The following DOCK3 variants were observed in gnomAD, a reference collection of about 807,000 sequenced individuals.
The protein encoded by DOCK3 is dedicator of cytokinesis 3, also known as dedicator of cytokinesis protein 3.
A neutral mutation model predicts 265.6 loss-of-function variants in DOCK3; 60 were observed. That is an observed-to-expected ratio of 0.23 (90% confidence interval 0.18 to 0.28). DOCK3 has a LOEUF of 0.28. Ranked by LOEUF, DOCK3 falls within the 10% of genes least tolerant of loss-of-function variation. The pLI is 1.00. For synonymous variants in DOCK3, 881 were observed against 938.0 expected (o/e 0.94, Z 1.11); for missense variants, 1,981 against 2,594.3 (o/e 0.76, Z 5.14).
At chr3:50,862,728 C>T (rs750533984) in intron 3 of DOCK3, among the ~76,000 whole-genome samples, 1 of 152,160 alleles carries the variant, frequency 6.6e-6, no homozygotes, top group Non-Finnish European at 1.5e-5. Flanking sequence ...CAGCCTTTCC[C>T]CCTAATCCAG....
At chr3:50,901,584 C>A in intron 4 of DOCK3, 2 of 450,962 alleles carry the variant, frequency 4.4e-6, no homozygotes, top group Non-Finnish European at 8.9e-6. Flanking sequence ...TGCTTGAAAC[C>A]CAGGTCCCTG....
chr3:51,051,670 A>G (rs997525124), intron 5 of DOCK3, among the ~76,000 whole-genome samples: 11 of 152,170 alleles, frequency 7.2e-5, no homozygotes, highest in Admixed American at 6.6e-4. Context: ...GTGTTAGGCC[A>G]TTCTTGTGTT....
intron 5 of DOCK3, among the ~76,000 whole-genome samples, chr3:51,045,008 T>G (rs915813148): frequency 6.6e-6 from 1 of 152,200 alleles, no homozygotes; most frequent in African/African-American, 2.4e-5. Flanking sequence ...CTTATCATTT[T>G]TGTGTTCACT....
At chr3:51,243,935 G>A (rs2078717739) in intron 21 of DOCK3, among the ~76,000 whole-genome samples, 2 of 152,112 alleles carry the variant, frequency 1.3e-5, no homozygotes, top group African/African-American at 2.4e-5. Flanking sequence ...CAATTTCCCA[G>A]TTCCATTTAT....
At chr3:50,771,985 T>A (rs1038538045) in intron 1 of DOCK3, among the ~76,000 whole-genome samples, 1 of 152,252 alleles carries the variant, frequency 6.6e-6, no homozygotes, top group Admixed American at 6.5e-5. Flanking sequence ...AAGAGATATC[T>A]GCACTCCCAT....
At chr3:51,315,204 A>C (rs1249085237) in intron 32 of DOCK3, 76 bp downstream of exon 32, 57 of 1,465,512 alleles carry the variant, frequency 3.9e-5, no homozygotes, top group Non-Finnish European at 5.0e-5. Context: ...TAGATGACCA[A>C]GCCATGATTC....
intron 5 of DOCK3, among the ~76,000 whole-genome samples, chr3:51,029,359 G>C (rs938731067): frequency 1.3e-5 from 2 of 152,212 alleles, no homozygotes; most frequent in Admixed American, 6.5e-5. Flanking sequence ...CGGGGCTGGA[G>C]CTGCCATAAA....
At chr3:51,026,620 T>C (rs562830616) in intron 5 of DOCK3, among the ~76,000 whole-genome samples, 6 of 152,192 alleles carry the variant, frequency 3.9e-5, no homozygotes, top group Non-Finnish European at 7.4e-5. Context: ...TCTAAGGCTT[T>C]TGTTGGTTGC....
intron 4 of DOCK3, among the ~76,000 whole-genome samples, chr3:50,913,095 A>C (rs1317768327): frequency 6.6e-6 from 1 of 152,100 alleles, no homozygotes; most frequent in Non-Finnish European, 1.5e-5. Context: ...ATTCTCACCC[A>C]AGGCCCTTGA....
chr3:51,316,095 A>G (rs986571094), intron 32 of DOCK3, among the ~76,000 whole-genome samples: 1 of 152,220 alleles, frequency 6.6e-6, no homozygotes, highest in Non-Finnish European at 1.5e-5. Flanking sequence ...CACTACCACA[A>G]TCAAGAGTTT....
At chr3:50,896,704 A>G (rs1023912443) in intron 4 of DOCK3, among the ~76,000 whole-genome samples, 4 of 152,194 alleles carry the variant, frequency 2.6e-5, no homozygotes, top group Admixed American at 1.3e-4. Context: ...AGTTTTCTGC[A>G]TATGGCTAGC....
chr3:50,763,065 T>A (rs1022737074), intron 1 of DOCK3, among the ~76,000 whole-genome samples: 2 of 152,154 alleles, frequency 1.3e-5, no homozygotes, highest in Admixed American at 6.6e-5. Flanking sequence ...AATACCCTGA[T>A]AAGCCCATTG....
At chr3:51,347,800 C>T (rs2085692466) in intron 38 of DOCK3, among the ~76,000 whole-genome samples, 1 of 152,064 alleles carries the variant, frequency 6.6e-6, no homozygotes, top group Non-Finnish European at 1.5e-5. Context: ...TTGTTTGTGT[C>T]CTCTTTTATT....
At chr3:51,256,687 G>A (rs144652375) in intron 22 of DOCK3, among the ~76,000 whole-genome samples, 143 of 149,144 alleles carry the variant, frequency 9.6e-4, no homozygotes, top group African/African-American at 3.2e-3. Context: ...TCCACCTCCC[G>A]TGTTCAAGCG....
intron 22 of DOCK3, among the ~76,000 whole-genome samples, chr3:51,250,541 C>G (rs560088246): frequency 6.6e-6 from 1 of 152,296 alleles, no homozygotes; most frequent in South Asian, 2.1e-4. Flanking sequence ...ATTGCTTGAA[C>G]CTGGGAGGCG....
intron 5 of DOCK3, among the ~76,000 whole-genome samples, chr3:50,973,533 T>C (rs1489239201): frequency 1.9e-4 from 27 of 144,794 alleles, no homozygotes; most frequent in Non-Finnish European, 3.6e-4. Context: ...TAATCCAGTC[T>C]ATCATTGTTG....
At chr3:51,350,658 AC>A (rs1192824583) in intron 40 of DOCK3, among the ~76,000 whole-genome samples, 1 of 152,202 alleles carries the variant, frequency 6.6e-6, no homozygotes, top group Non-Finnish European at 1.5e-5. Context: ...TCAGGAAGTG[AC>A]CAGGGTCTAA....
chr3:51,099,283 C>T (rs2082988696), intron 9 of DOCK3, among the ~76,000 whole-genome samples: 1 of 152,174 alleles, frequency 6.6e-6, no homozygotes, highest in Non-Finnish European at 1.5e-5. Context: ...ATACTTTGGC[C>T]TGTGGTTAAA....
chr3:51,215,755 G>A (rs767010135), intron 14 of DOCK3, among the ~76,000 whole-genome samples: 4 of 152,062 alleles, frequency 2.6e-5, no homozygotes, highest in African/African-American at 7.2e-5. Flanking sequence ...CACAGCCTTC[G>A]TCTTCTACTC....
Sources: gnomAD v4.1 joint callset for allele counts (sites outside exome capture counted in the v4.1 genomes callset) on GRCh38, gnomAD v4.1.1 for gene constraint, MANE v1.5 for transcripts, NCBI Gene and HGNC (gene_info 2026-07-23, HGNC 2026-07-21) for gene names.